Variants in MEST observed in about 807,000 individuals in gnomAD.
The protein encoded by MEST is mesoderm specific transcript.
A neutral mutation model predicts 50.9 loss-of-function variants in MEST; 18 were observed. That is an observed-to-expected ratio of 0.35 (90% CI 0.24 to 0.52). The LOEUF (loss-of-function observed/expected upper bound fraction) is 0.52, where lower values mean the gene tolerates loss of function less well. Ranked by LOEUF, MEST falls within the 20% of genes least tolerant of loss-of-function variation. MEST has a pLI of 0.94. For synonymous variants in MEST, 130 were observed against 154.1 expected, an observed-to-expected ratio of 0.84 and a Z score of 1.16; for missense variants, 282 against 425.3, an observed-to-expected ratio of 0.66 and a Z score of 2.96.
At chr7:130,501,300 C>G (rs1429110045) in intron 9 of MEST, among the ~76,000 whole-genome samples, 1 of 152,184 alleles carries the variant, frequency 6.6e-6, no homozygotes, top group African/African-American at 2.4e-5. Context: ...GCTGTAACTA[C>G]TTGGGATAAG....
chr7:130,503,178 T>G (rs782464644), intron 10 of MEST, among the ~76,000 whole-genome samples: 5 of 152,376 alleles, frequency 3.3e-5, no homozygotes, highest in Middle Eastern at 3.4e-3. Flanking sequence ...TGGTTTGTGC[T>G]TATTTGTCTT....
At chr7:130,491,503 T>A (rs1287494094), upstream of MEST, 1 of 152,292 alleles carries the variant, frequency 6.6e-6, no homozygotes, top group Non-Finnish European at 1.5e-5. This position sits in a 1 kb window ranked among gnomAD's most constrained non-coding sequence, Gnocchi z 6.8. Flanking sequence ...CCAACAGAGC[T>A]TGTTGCTCCC....
chr7:130,505,168 A>C lies in MEST; in HGVS notation c.*112A>C. ...CCTGGCCATCAAACATAATTCTCTCACAAAGTCCACTTTACTCAAATTGGT... is the reference window on the plus strand; with the variant it reads ...CCTGGCCATCAAACATAATTCTCTCCCAAAGTCCACTTTACTCAAATTGGT... On this transcript the variant is annotated 3_prime_UTR_variant, in exon 12 of 12. Transcript: ENST00000223215. 1 of 809,172 alleles carries C rather than the reference A, an allele frequency of 1.2e-6. No individual in the cohort carries two copies. The highest frequency in any genetic ancestry group is 2.1e-6 in the Non-Finnish European group (1 of 486,942). The allele number at this position is 809,172 out of a possible 1,614,324, so 50.1% of individuals were successfully genotyped here.
chr7:130,499,999 T>C, intron 7 of MEST, 84 bp downstream of exon 7: 1 of 1,102,074 alleles, frequency 9.1e-7, no homozygotes, highest in Non-Finnish European at 1.3e-6. Flanking sequence ...CCATAGCTCC[T>C]GTAACTGGCA....
chr7:130,492,226 C>T lies in MEST; in HGVS notation c.-88C>T, dbSNP rs1412824155. ...GGGCTGTGGGCTGCGGGCTGCGCCCCCGCTGCTGGCCAGCTCTGCACGGCT... is the reference window on the plus strand; with the variant it reads ...GGGCTGTGGGCTGCGGGCTGCGCCCTCGCTGCTGGCCAGCTCTGCACGGCT... On this transcript the variant is annotated 5_prime_UTR_variant, in exon 1 of 12. Coordinates refer to ENST00000223215, the MANE Select transcript of MEST (RefSeq NM_002402.4). The surrounding 1 kb of genome is among the most constrained non-coding windows in gnomAD (Gnocchi z 7.6). The T allele has an allele frequency of 3.9e-5, 45 of 1,156,860 alleles. No individual in the cohort carries two copies. Among genetic ancestry groups the T allele is most frequent in the Non-Finnish European group, 4.9e-5 (45 of 921,010 alleles). The allele number at this position is 1,156,860 out of a possible 1,614,324, so 71.7% of individuals were successfully genotyped here. A position where few individuals can be genotyped will look rare whatever the true frequency, so the allele number is the denominator to read the frequency against.
rs903114647 is a variant in MEST at position 130,497,954 on chromosome 7, T to G, written c.280T>G (p.Leu94Val). 5.0e-6 allele frequency: 8 copies of G among 1,614,208 alleles called. No homozygotes were observed. Among genetic ancestry groups the G allele is most frequent in the Non-Finnish European group, 6.8e-6 (8 of 1,180,040 alleles). ...CTTGTAGATTTGGGAAGGTCTGACC[T>G]TGAGGTTTCATCGGGTGATTGCCCT... ...DWYKIWEGLT[L>V]RFHRVIALDF... The change falls in exon 4 of 12, where the codon TTG becomes GTG. Residue 94 changes from leucine (L) to valine (V), a missense_variant. Transcript: ENST00000223215. This position sits in a 1 kb window ranked among gnomAD's most constrained non-coding sequence, Gnocchi z 4.0.
rs1314032282 is a variant in MEST at position 130,497,905 on chromosome 7, G to C, written c.262-31G>C. ...CTGGTGAAAGGGAGGGGCAGGAGCA[G>C]AAAGCCCAAATCATCGTTTCTTTCT... On this transcript the variant is annotated intron_variant, in intron 3 of 11. Transcript: ENST00000223215. This position sits in a 1 kb window ranked among gnomAD's most constrained non-coding sequence, Gnocchi z 4.0. 6.2e-7 allele frequency: 1 copy of C among 1,610,442 alleles called. No homozygotes were observed. The highest frequency in any genetic ancestry group is 1.3e-5 in the African/African-American group (1 of 74,990).
At chr7:130,502,880 TTAAGTA>T (rs1404287456) in intron 10 of MEST, among the ~76,000 whole-genome samples, 160 bp downstream of exon 10, 8 of 152,230 alleles carry the variant, frequency 5.3e-5, no homozygotes, top group Non-Finnish European at 8.8e-5. Context: ...TTTTTAGTAT[TTAAGTA>T]TATGTTGTAC....
At position 130,503,880 on chromosome 7, in the gene MEST, A is replaced by G. The variant is rs1201521084; in HGVS notation, c.827-53A>G. Reference sequence around the variant, plus strand: ...GGAGAGGAGTTAATTTTAGGGTGGGAGTAGAACAGATGTGAGAGCTGTTAA... The same window carrying G: ...GGAGAGGAGTTAATTTTAGGGTGGGGGTAGAACAGATGTGAGAGCTGTTAA... On this transcript the variant is annotated intron_variant, in intron 10 of 11. Transcript: ENST00000223215. The G allele has an allele frequency of 3.0e-6, 4 of 1,322,302 alleles. No individual in the cohort carries two copies. The East Asian group carries it at 6.9e-5, about 23-fold the overall frequency. The allele number at this position is 1,322,302 out of a possible 1,614,324, so 81.9% of individuals were successfully genotyped here.
chr7:130,492,277 T>A lies in MEST; in HGVS notation c.-37T>A, dbSNP rs782012483. On this transcript the variant is annotated 5_prime_UTR_variant, in exon 1 of 12. Transcript: ENST00000223215. The surrounding 1 kb of genome is among the most constrained non-coding windows in gnomAD (Gnocchi z 7.6). ...GCGGGCTCTGCGGCGCCCGGTGCTC[T>A]GCAACGCTGCGGCGGGCGGCATGGG... The A allele has an allele frequency of 8.2e-6, 11 of 1,347,448 alleles. No homozygotes were observed. The highest frequency in any genetic ancestry group is 1.5e-5 in the African/African-American group (1 of 65,436). The allele number at this position is 1,347,448 out of a possible 1,614,324, so 83.5% of individuals were successfully genotyped here.
In MEST at chr7:130,506,456, G is replaced by T; in HGVS notation, c.*1400G>T. The stretch of plus-strand genomic sequence containing the variant: ...CAAGATCACCCAAAGCTGCACTATC[G>T]TCCCAAAGCTGACCAAGTAGAATAA... On this transcript the variant is annotated 3_prime_UTR_variant, in exon 12 of 12. Coordinates refer to ENST00000223215, the MANE Select transcript of MEST (RefSeq NM_002402.4). 1 of 316,814 alleles carries T rather than the reference G, an allele frequency of 3.2e-6. No homozygotes were observed. The allele number at this position is 316,814 out of a possible 1,614,324, so 19.6% of individuals were successfully genotyped here.
rs1799242106 is a variant in MEST, at chr7:130,500,652, AG to A, written c.647+123del. On this transcript the variant is annotated intron_variant, in intron 8 of 11. Transcript: ENST00000223215. The surrounding 1 kb of genome is among the most constrained non-coding windows in gnomAD (Gnocchi z 5.0). ...AAAGCAAAGGTGTTGGCCGCTTGCC[AG>A]GGAAGTAGAAGGAATTCATAAATCA... 2 of 1,248,542 alleles carry A rather than the reference AG, an allele frequency of 1.6e-6. No homozygotes were observed. The highest frequency in any genetic ancestry group is 2.3e-6 in the Non-Finnish European group (2 of 885,242). The allele number at this position is 1,248,542 out of a possible 1,614,324, so 77.3% of individuals were successfully genotyped here.
intron 2 of MEST, 179 bp downstream of exon 2, chr7:130,495,701 G>A (rs782180717): frequency 4.5e-5 from 26 of 581,976 alleles, no homozygotes; most frequent in Admixed American, 7.6e-5. Context: ...AATGGGGGTA[G>A]GGACTGAGAT....
Position 130,505,052 on chromosome 7 carries a change from T to A in MEST, c.1004T>A (p.Phe335Tyr). ...LNAYMGFINS[F>Y] ...GCATATATGGGCTTCATCAACTCCT[T>A]CTGAGCTGGAAAGAGTAGCTTCCCT... The change falls in exon 12 of 12, where the codon TTC becomes TAC. Residue 335 changes from phenylalanine to tyrosine, a missense_variant. Phe to Tyr is a conservative substitution (Grantham distance 22). Transcript: ENST00000223215. 1 of 1,608,688 alleles carries A rather than the reference T, an allele frequency of 6.2e-7. No individual in the cohort carries two copies. The highest frequency in any genetic ancestry group is 1.3e-5 in the African/African-American group (1 of 74,944).
In MEST at chr7:130,506,202, T is replaced by TC. The variant is rs1307614495; in HGVS notation, c.*1147dup. ...GGATTATTAAGTGATTATTTAAAATTCGTTTTTTTAAATTAGCAACTTCAA... is the reference window on the plus strand; with the variant it reads ...GGATTATTAAGTGATTATTTAAAATTCCGTTTTTTTAAATTAGCAACTTCAA... On this transcript the variant is annotated 3_prime_UTR_variant, in exon 12 of 12. Coordinates refer to ENST00000223215, the MANE Select transcript of MEST (RefSeq NM_002402.4). The TC allele has an allele frequency of 6.6e-6, 1 of 152,638 alleles. No homozygotes were observed. Among genetic ancestry groups the TC allele is most frequent in the Non-Finnish European group, 1.5e-5 (1 of 68,042 alleles). The allele number at this position is 152,638 out of a possible 1,614,324, so 9.5% of individuals were successfully genotyped here. A position where few individuals can be genotyped will look rare whatever the true frequency, so the allele number is the denominator to read the frequency against.
chr7:130,504,830 C>G, intron 11 of MEST, 109 bp from the exon 12 acceptor site: 3 of 715,280 alleles, frequency 4.2e-6, no homozygotes, highest in South Asian at 1.9e-5. Context: ...TCTTTGGTGG[C>G]TCCTTCCAGT....
chr7:130,497,312 T>A lies in MEST; in HGVS notation c.261+77T>A. The stretch of plus-strand genomic sequence containing the variant: ...GGCGCGGGGGCTCAAATCCTAGCAC[T>A]TTGGGAGGCTGAGGTGGGAGGATGA... On this transcript the variant is annotated intron_variant, in intron 3 of 11. Transcript: ENST00000223215. The surrounding 1 kb of genome is among the most constrained non-coding windows in gnomAD (Gnocchi z 4.0). 1 of 1,219,260 alleles carries A rather than the reference T, an allele frequency of 8.2e-7. No homozygotes were observed. Among genetic ancestry groups the A allele is most frequent in the Non-Finnish European group, 1.2e-6 (1 of 855,030 alleles). The allele number at this position is 1,219,260 out of a possible 1,614,324, so 75.5% of individuals were successfully genotyped here. A position where few individuals can be genotyped will look rare whatever the true frequency, so the allele number is the denominator to read the frequency against.
chr7:130,506,049 A>G lies in MEST; in HGVS notation c.*993A>G, dbSNP rs1233377431. 2.0e-5 allele frequency: 3 copies of G among 152,666 alleles called. No individual in the cohort carries two copies. Among genetic ancestry groups the G allele is most frequent in the Admixed American group, 1.3e-4 (2 of 15,286 alleles). 9.5% of individuals were successfully genotyped at this position (152,666 alleles called of 1,614,324 possible). A position where few individuals can be genotyped will look rare whatever the true frequency, so the allele number is the denominator to read the frequency against. ...CCAGAGAGGCTTTCCAATGTAGCTC[A>G]GTAATTCCTGTTACTTTACAGACAG... is the stretch of plus-strand genomic sequence containing the variant. On this transcript the variant is annotated 3_prime_UTR_variant, in exon 12 of 12. Transcript: ENST00000223215.
chr7:130,499,728 G>T, intron 6 of MEST, 147 bp from the exon 7 acceptor site: 1 of 576,572 alleles, frequency 1.7e-6, no homozygotes, highest in South Asian at 2.6e-5. Context: ...GAGGTGGCTT[G>T]CACCTGTAAT....
Sources: gnomAD v4.1 joint callset for allele counts (sites outside exome capture counted in the v4.1 genomes callset) on GRCh38, gnomAD v4.1.1 for gene constraint, Gnocchi (gnomAD v3.1) non-coding constraint, MANE v1.5 for transcripts, NCBI Gene and HGNC (gene_info 2026-07-23, HGNC 2026-07-21) for gene names.